The following CLPTM1L variants were observed in gnomAD, a reference collection of about 807,000 sequenced individuals.
CLPTM1L encodes the protein CLPTM1 like, also known as lipid scramblase CLPTM1L.
CLPTM1L carries 38 observed loss-of-function variants against 70.9 expected under a neutral mutation model. That is an observed-to-expected ratio of 0.54 (90% confidence interval 0.41 to 0.70). The LOEUF (loss-of-function observed/expected upper bound fraction) is 0.70, where lower values mean the gene tolerates loss of function less well. Among genes scored for constraint, CLPTM1L ranks in the 30% least tolerant of loss-of-function variants. The probability of loss-of-function intolerance (pLI) is 0.00; values close to 1 mark genes in which losing one functional copy is unlikely to be tolerated. For missense variants in CLPTM1L, 652 were observed against 705.9 expected (o/e 0.92, Z 0.87); for synonymous variants, 339 against 299.9 (o/e 1.13, Z -1.35).
In CLPTM1L at chr5:1,344,720, T is replaced by G. The variant is rs149912646; in HGVS notation, c.122A>C (p.Asn41Thr). The G allele has an allele frequency of 1.9e-6, 3 of 1,592,244 alleles. No homozygotes were observed. The highest frequency in any genetic ancestry group is 1.7e-5 in the Admixed American group (1 of 57,788). The change falls in exon 1 of 17, where the codon AAC (asparagine) becomes ACC (threonine). Residue 41 changes from asparagine (N) to threonine (T), a missense_variant. Coordinates refer to ENST00000320895, the MANE Select transcript of CLPTM1L (RefSeq NM_030782.5). ...VYTRPCSGDA[N>T]CIQPYLARRP... ...CCGCGCCAGGTAGGGCTGGATGCAG[T>G]TGGCGTCGCCGGAGCACGGGCGGGT...
intron 8 of CLPTM1L, 33 bp downstream of exon 8, chr5:1,331,766 G>A (rs747323472): frequency 2.5e-6 from 4 of 1,591,898 alleles, no homozygotes; most frequent in East Asian, 4.5e-5. Context: ...CTGGGGCAGA[G>A]TATCTGAGCA....
At chr5:1,324,684 G>A in intron 11 of CLPTM1L, 79 bp downstream of exon 11, 1 of 1,328,078 alleles carries the variant, frequency 7.5e-7, no homozygotes, top group Non-Finnish European at 1.1e-6. Context: ...TCCGCACTGA[G>A]CAATGACAGT....
At chr5:1,343,635 G>A (rs910266087) in intron 2 of CLPTM1L, among the ~76,000 whole-genome samples, 1 of 152,244 alleles carries the variant, frequency 6.6e-6, no homozygotes, top group Non-Finnish European at 1.5e-5. Context: ...GAACTGGCTT[G>A]AGGTCACAGG....
Position 1,344,281 on chromosome 5 carries a change from G to A in CLPTM1L, c.263+70C>T, listed in dbSNP as rs992498009. The A allele has an allele frequency of 6.1e-5, 64 of 1,048,888 alleles. 1 individual carries two copies. The highest frequency in any genetic ancestry group is 7.8e-5 in the African/African-American group (5 of 64,034). 65.0% of individuals were successfully genotyped at this position (1,048,888 alleles called of 1,614,324 possible). A position where few individuals can be genotyped will look rare whatever the true frequency, so the allele number is the denominator to read the frequency against. On this transcript the variant is annotated intron_variant, in intron 2 of 16. Transcript: ENST00000320895. ...AAAATAAACATGTTATGTACAGAAA[G>A]CTAACTTTTAAACAATCTGAACATG...
intron 9 of CLPTM1L, 81 bp downstream of exon 9, chr5:1,330,199 A>AG (rs1277825139): frequency 8.7e-7 from 1 of 1,150,480 alleles, no homozygotes; most frequent in East Asian, 2.4e-5. Context: ...AGAAGGTCTC[A>AG]GGTCCCGGGG....
intron 2 of CLPTM1L, 59 bp from the exon 3 acceptor site, chr5:1,341,919 A>C: frequency 2.9e-6 from 4 of 1,357,704 alleles, no homozygotes; most frequent in Non-Finnish European, 4.1e-6. Flanking sequence ...TCTAGAACCT[A>C]TTCAAATACC....
Position 1,330,275 on chromosome 5 carries a change from C to G in CLPTM1L, c.1080+5G>C, listed in dbSNP as rs1752997861. 6.2e-7 allele frequency: 1 copy of G among 1,612,046 alleles called. No individual in the cohort carries two copies. The highest frequency in any genetic ancestry group is 1.7e-5 in the Admixed American group (1 of 60,002). ...AGACAGTTCAGGTCACTGCCCGGAA[C>G]TCACCTCAATGGCGGCTCCAACACC... On this transcript the variant is annotated splice_donor_5th_base_variant and intron_variant, in intron 9 of 16. Transcript: ENST00000320895.
chr5:1,322,994 T>A, intron 12 of CLPTM1L, 83 bp from the exon 13 acceptor site: 1 of 1,374,850 alleles, frequency 7.3e-7, no homozygotes, highest in Non-Finnish European at 1.0e-6. Flanking sequence ...ATTCTTTCAT[T>A]AAAAATCCTC....
chr5:1,331,448 A>C (rs1000803023), intron 8 of CLPTM1L: 1 of 345,980 alleles, frequency 2.9e-6, no homozygotes, highest in Admixed American at 4.0e-5. Flanking sequence ...AGGGGATGTG[A>C]GGCCCCAGCC....
At position 1,341,699 on chromosome 5, in the gene CLPTM1L, T is replaced by A. The variant is rs770449381; in HGVS notation, c.425A>T (p.Asn142Ile). The A allele has an allele frequency of 6.2e-7, 1 of 1,611,038 alleles. No homozygotes were observed. The highest frequency in any genetic ancestry group is 1.7e-5 in the Admixed American group (1 of 59,926). The change falls in exon 3 of 17, where the codon AAC becomes ATC. Residue 142 changes from asparagine to isoleucine, a missense_variant. Around this residue, in one of 3 missense-constraint regions of CLPTM1L, gnomAD observed 402 missense variants for 388.2 expected, o/e 1.04. Coordinates refer to ENST00000320895, the MANE Select transcript of CLPTM1L (RefSeq NM_030782.5). ...TGTATCAGACTCCCCGGTGAGCAGG[T>A]TGATTTCTTCTGGCTTGGGGACCAT... ...TYMVPKPEEI[N>I]LLTGESDTQQ...
chr5:1,324,073 G>C, intron 11 of CLPTM1L: 1 of 576,594 alleles, frequency 1.7e-6, no homozygotes, highest in Non-Finnish European at 3.1e-6. Context: ...GCACACGCCA[G>C]AGCCCGGGTG....
In CLPTM1L at chr5:1,323,793, T is replaced by C. The variant is rs764275631; in HGVS notation, c.1274A>G (p.Tyr425Cys). 6.2e-7 allele frequency: 1 copy of C among 1,612,456 alleles called. No homozygotes were observed. Among genetic ancestry groups the C allele is most frequent in the South Asian group, 1.1e-5 (1 of 91,064 alleles). ...GAVYSLLNIK[Y>C]KSWYSWLINS... ...AGCGTGTGCGGCCTCCTACCTCTTA[T>C]ATTTGATATTCAGGAGTGAATAGAC... The change falls in exon 12 of 17, where the codon TAT becomes TGT. Residue 425 changes from tyrosine (Y) to cysteine (C), a missense_variant. This residue lies in a region of CLPTM1L where 240 missense variants were observed against 295.0 expected (regional missense o/e 0.81). Transcript: ENST00000320895.
intron 7 of CLPTM1L, among the ~76,000 whole-genome samples, chr5:1,333,943 C>T (rs548029030): frequency 2.8e-4 from 43 of 152,096 alleles, no homozygotes; most frequent in Non-Finnish European, 5.3e-4. Context: ...GGGGCCTGGG[C>T]AGGGGAGAGT....
In CLPTM1L at chr5:1,325,745, T is replaced by A. The variant is rs774954018; in HGVS notation, c.1146+6A>T. On this transcript the variant is annotated splice_donor_region_variant and intron_variant, in intron 10 of 16. Transcript: ENST00000320895. The stretch of plus-strand genomic sequence containing the variant: ...TTGGGGTTCAGCCATTACAACTAAA[T>A]CCTACCTGAAATTCGGGCATCAGGC... 2.2e-5 allele frequency: 35 copies of A among 1,612,244 alleles called. No individual in the cohort carries two copies. Among genetic ancestry groups the A allele is most frequent in the Non-Finnish European group, 2.9e-5 (34 of 1,178,460 alleles).
intron 9 of CLPTM1L, among the ~76,000 whole-genome samples, chr5:1,329,187 C>T (rs1403111681): frequency 1.3e-5 from 2 of 152,260 alleles, no homozygotes; most frequent in Non-Finnish European, 2.9e-5. Context: ...TGCTCCTGAG[C>T]TGGTCTTGCC....
chr5:1,334,543 C>T (rs1753432472), intron 6 of CLPTM1L, among the ~76,000 whole-genome samples, 160 bp from the exon 7 acceptor site: 1 of 152,208 alleles, frequency 6.6e-6, no homozygotes, highest in Non-Finnish European at 1.5e-5. Context: ...CACTTGAAGT[C>T]AGGAGTTCAA....
chr5:1,325,243 GTGAC>G (rs1752448835), intron 10 of CLPTM1L: 2 of 255,244 alleles, frequency 7.8e-6, no homozygotes, highest in African/African-American at 4.4e-5. Context: ...ATCTCAGCCT[GTGAC>G]TGCTGAGGGC....
At chr5:1,324,906 G>A (rs1752422971) in intron 10 of CLPTM1L, 93 bp from the exon 11 acceptor site, 1 of 1,202,916 alleles carries the variant, frequency 8.3e-7, no homozygotes, top group Non-Finnish European at 1.2e-6. Context: ...TATGGCTGCA[G>A]AGCTGACCCA....
intron 9 of CLPTM1L, chr5:1,326,088 C>T (rs979317158): frequency 4.5e-5 from 21 of 469,938 alleles, no homozygotes; most frequent in Non-Finnish European, 6.8e-5. Context: ...CTTTACGCCA[C>T]TCTGCCTGCA....
Sources: allele counts gnomAD v4.1 joint callset (sites outside exome capture counted in the v4.1 genomes callset), GRCh38; gene constraint gnomAD v4.1.1; regional missense constraint gnomAD v4.1.1; transcripts MANE v1.5; gene names NCBI Gene and HGNC (gene_info 2026-07-23, HGNC 2026-07-21).